DLGAP2: variants seen among roughly 807,000 people sequenced by gnomAD.
The protein encoded by DLGAP2 is DLG associated protein 2, also known as disks large-associated protein 2.
In DLGAP2, 26 loss-of-function variants were observed where a neutral mutation model predicts 100.3. The observed-to-expected ratio is 0.26, with a 90% confidence interval of 0.19 to 0.36. The LOEUF (loss-of-function observed/expected upper bound fraction) is 0.36. DLGAP2 is among the 10% of genes least tolerant of loss of function. DLGAP2 has a pLI of 1.00. For synonymous variants in DLGAP2, 886 were observed against 630.1 expected, an observed-to-expected ratio of 1.41 and a Z score of -6.08; for missense variants, 1,858 against 1,453.2, an observed-to-expected ratio of 1.28 and a Z score of -4.53.
intron 1 of DLGAP2, among the ~76,000 whole-genome samples, chr8:792,408 C>T (rs1795933712): frequency 6.6e-6 from 1 of 152,122 alleles, no homozygotes; most frequent in African/African-American, 2.4e-5. Flanking sequence ...CATTTTAGGA[C>T]TTATAGCACA....
At chr8:1,337,395 G>C in intron 3 of DLGAP2, among the ~76,000 whole-genome samples, 1 of 42,330 alleles carries the variant, frequency 2.4e-5, no homozygotes, top group Middle Eastern at 0.012. Flanking sequence ...TGGTGAGGAT[G>C]ATGGTGATGA....
chr8:1,129,991 A>G (rs564594800), intron 2 of DLGAP2, among the ~76,000 whole-genome samples: 1 of 152,272 alleles, frequency 6.6e-6, no homozygotes, highest in African/African-American at 2.4e-5. Context: ...TCTAATTCTA[A>G]TCATGGTCAA....
At chr8:1,652,384 C>G (rs1293128268) in intron 8 of DLGAP2, among the ~76,000 whole-genome samples, 1 of 152,160 alleles carries the variant, frequency 6.6e-6, no homozygotes, top group Non-Finnish European at 1.5e-5. Context: ...ATTCCCGTGC[C>G]TAGAACAGTG....
intron 3 of DLGAP2, among the ~76,000 whole-genome samples, chr8:1,309,614 C>A (rs185129642): frequency 9.2e-5 from 14 of 152,130 alleles, no homozygotes; most frequent in South Asian, 2.1e-4. Context: ...AAAAGGACAG[C>A]GGCATTAGCT....
At chr8:1,142,981 G>C (rs1796547293) in intron 2 of DLGAP2, among the ~76,000 whole-genome samples, 1 of 152,154 alleles carries the variant, frequency 6.6e-6, no homozygotes. Flanking sequence ...AACTACACAG[G>C]ATAGAGGCCA....
chr8:1,202,598 G>A (rs982677804), intron 2 of DLGAP2, among the ~76,000 whole-genome samples: 23 of 152,286 alleles, frequency 1.5e-4, no homozygotes, highest in Middle Eastern at 3.4e-3. Context: ...ACACCACAGA[G>A]GCCGTAACAC....
chr8:1,283,395 A>G (rs1799860299), intron 3 of DLGAP2, among the ~76,000 whole-genome samples: 1 of 152,228 alleles, frequency 6.6e-6, no homozygotes, highest in Admixed American at 6.5e-5. Context: ...CACATTCATA[A>G]AAGGCACGTG....
At position 1,691,612 on chromosome 8, in the gene DLGAP2, T is replaced by C. The variant is rs1219482502; in HGVS notation, c.2782T>C (p.Cys928Arg). The C allele has an allele frequency of 6.2e-7, 1 of 1,613,930 alleles. No homozygotes were observed. Among genetic ancestry groups the C allele is most frequent in the Non-Finnish European group, 8.5e-7 (1 of 1,179,870 alleles). Residue 928 changes from cysteine to arginine, a missense_variant, in exon 13 of 15, where the codon TGC becomes CGC. Coordinates refer to ENST00000637795, the MANE Select transcript of DLGAP2 (RefSeq NM_001346810.2). Reference protein sequence around the residue: ...SQKFQQFYWLCQQNMDPSAMP... With the variant: ...SQKFQQFYWLRQQNMDPSAMP... ...GAAATTCCAGCAGTTTTATTGGCTTTGCCAACAGAATATGGTAAGTGAATC... is the reference window on the plus strand; with the variant it reads ...GAAATTCCAGCAGTTTTATTGGCTTCGCCAACAGAATATGGTAAGTGAATC...
chr8:796,712 G>A (rs1344291154), intron 1 of DLGAP2, among the ~76,000 whole-genome samples: 2 of 152,202 alleles, frequency 1.3e-5, no homozygotes, highest in Non-Finnish European at 2.9e-5. Context: ...GACCTCTAGT[G>A]TGTAGTTGTG....
In DLGAP2 at chr8:905,728, G is replaced by C. The variant is rs542119083; in HGVS notation, c.19-2184G>C. 2.5e-3 allele frequency among the ~76,000 whole-genome samples: 374 copies of C among 152,208 alleles called. 2 individuals carry two copies. Among genetic ancestry groups the C allele is most frequent in the African/African-American group, 8.6e-3 (357 of 41,544 alleles). ...CACGGGAGCTGCGGCATTTGAGGGGGGCGCCAGCTCCCATGGAGGTGACAT... is the reference window on the plus strand; with the variant it reads ...CACGGGAGCTGCGGCATTTGAGGGGCGCGCCAGCTCCCATGGAGGTGACAT... On this transcript the variant is annotated intron_variant, in intron 1 of 14. Coordinates refer to ENST00000637795, the MANE Select transcript of DLGAP2 (RefSeq NM_001346810.2).
intron 2 of DLGAP2, among the ~76,000 whole-genome samples, chr8:1,111,321 ATT>A (rs1299137138): frequency 7.9e-5 from 12 of 151,512 alleles, no homozygotes; most frequent in African/African-American, 2.7e-4. Flanking sequence ...AAGGCTGTGG[ATT>A]TTCAGGCCAG....
intron 2 of DLGAP2, among the ~76,000 whole-genome samples, chr8:1,114,542 A>T (rs1805058110): frequency 6.6e-6 from 1 of 151,846 alleles, no homozygotes; most frequent in African/African-American, 2.4e-5. Flanking sequence ...GTCAGTGGTA[A>T]CATTCTCTTT....
chr8:1,545,498 T>G (rs1037487849), intron 4 of DLGAP2, among the ~76,000 whole-genome samples: 4 of 152,306 alleles, frequency 2.6e-5, no homozygotes, highest in African/African-American at 9.6e-5. Flanking sequence ...CATGAAGCAG[T>G]GGAAATTAGG....
intron 1 of DLGAP2, among the ~76,000 whole-genome samples, chr8:893,701 A>C (rs147961799): frequency 1.3e-5 from 2 of 152,200 alleles, no homozygotes; most frequent in African/African-American, 4.8e-5. Context: ...CTGCAGGTCT[A>C]TCCAGGACTC....
intron 3 of DLGAP2, among the ~76,000 whole-genome samples, chr8:1,459,234 TCCCAGACAGGAG>T (rs1468729394): frequency 7.3e-6 from 1 of 137,894 alleles, no homozygotes; most frequent in Non-Finnish European, 1.6e-5. Flanking sequence ...CCAGCGTGCG[TCCCAGACAGGAG>T]TGACAGCCAG....
intron 3 of DLGAP2, among the ~76,000 whole-genome samples, chr8:1,342,549 C>T (rs1174114293): frequency 6.6e-6 from 1 of 152,156 alleles, no homozygotes; most frequent in Non-Finnish European, 1.5e-5. Context: ...ATCTGCTGTA[C>T]ATTTGTGGTA....
chr8:1,083,855 A>G (rs192824114), intron 2 of DLGAP2, among the ~76,000 whole-genome samples: 14 of 152,358 alleles, frequency 9.2e-5, no homozygotes, highest in African/African-American at 3.1e-4. Context: ...TTTTCTTAAT[A>G]TAGAAAGTGA....
In DLGAP2 at chr8:1,134,434, T is replaced by A. The variant is rs143144575; in HGVS notation, c.74-124417T>A. ...TCTGTCTTCCACAATGGTTGAGTAA[T>A]TTACACTCCCACCAACAGTGTATAA... On this transcript the variant is annotated intron_variant, in intron 2 of 14. Coordinates refer to ENST00000637795, the MANE Select transcript of DLGAP2 (RefSeq NM_001346810.2). 3.9e-3 allele frequency among the ~76,000 whole-genome samples: 593 copies of A among 152,340 alleles called. 3 individuals carry two copies. The highest frequency in any genetic ancestry group is 0.014 in the African/African-American group (572 of 41,588).
intron 2 of DLGAP2, among the ~76,000 whole-genome samples, chr8:1,237,174 C>T (rs1305790480): frequency 1.4e-5 from 2 of 138,828 alleles, no homozygotes; most frequent in African/African-American, 2.9e-5. Flanking sequence ...CTAGTTCTCT[C>T]ACATGGCGCC....
Sources: gnomAD v4.1 joint callset for allele counts (sites outside exome capture counted in the v4.1 genomes callset) on GRCh38, gnomAD v4.1.1 for gene constraint, MANE v1.5 for transcripts, NCBI Gene and HGNC (gene_info 2026-07-23, HGNC 2026-07-21) for gene names.